MICU3: variants seen among roughly 807,000 people sequenced by gnomAD.
MICU3 encodes the protein mitochondrial calcium uptake 3, also known as calcium uptake protein 3, mitochondrial.
Under a neutral mutation model 66.5 loss-of-function variants are expected in MICU3, and 62 were observed. That is an observed-to-expected ratio of 0.93 (90% CI 0.76 to 1.15). MICU3 has a LOEUF of 1.15. Ranked by LOEUF, MICU3 falls within the 50% of genes most tolerant of loss-of-function variation. The pLI, the probability that MICU3 is intolerant of heterozygous loss-of-function variation, is 0.00. For synonymous variants in MICU3, 308 were observed against 240.7 expected, an observed-to-expected ratio of 1.28 and a Z score of -2.59; for missense variants, 779 against 664.4, an observed-to-expected ratio of 1.17 and a Z score of -1.90.
intron 8 of MICU3, chr8:17,090,828 TACA>T: frequency 5.9e-6 from 2 of 339,798 alleles, no homozygotes; most frequent in South Asian, 8.7e-5. Context: ...AAGGTAAGTG[TACA>T]ACAATTAAAA....
chr8:17,033,269 G>A (rs1812398491), intron 1 of MICU3, among the ~76,000 whole-genome samples: 1 of 152,132 alleles, frequency 6.6e-6, no homozygotes, highest in African/African-American at 2.4e-5. Flanking sequence ...TGAATGCAGC[G>A]GAAAAGTTTT....
intron 2 of MICU3, among the ~76,000 whole-genome samples, chr8:17,067,503 C>A (rs1470581232): frequency 6.6e-6 from 1 of 151,888 alleles, no homozygotes; most frequent in Non-Finnish European, 1.5e-5. Flanking sequence ...GATCTCAGCT[C>A]ACTGCAACCT....
At chr8:17,099,093 T>A (rs1305316237) in intron 9 of MICU3, among the ~76,000 whole-genome samples, 3 of 151,742 alleles carry the variant, frequency 2.0e-5, no homozygotes, top group Non-Finnish European at 4.4e-5. Flanking sequence ...TTACTGTTTA[T>A]GAATTTGTTA....
intron 1 of MICU3, chr8:17,049,558 G>C (rs56165147): frequency 1.6e-3 from 840 of 515,648 alleles, no homozygotes; most frequent in Non-Finnish European, 2.8e-3. Context: ...TTTGCAGAAA[G>C]TTAAGTTATT....
intron 11 of MICU3, 113 bp downstream of exon 11, chr8:17,105,697 G>T (rs964320925): frequency 3.7e-5 from 20 of 538,730 alleles, no homozygotes; most frequent in Non-Finnish European, 6.0e-5. Context: ...AAGATATCTT[G>T]GATGTGTTTC....
At chr8:17,128,680 A>C in the MICU3 span, among the ~76,000 whole-genome samples, 13 of 152,168 alleles carry the variant, frequency 8.5e-5, no homozygotes, top group Admixed American at 3.3e-4. Context: ...AGGGAAAACT[A>C]TGTGGTGGAA....
intron 12 of MICU3, 87 bp from the exon 13 acceptor site, chr8:17,116,356 A>G (rs568824706): frequency 1.1e-6 from 1 of 875,010 alleles, no homozygotes; most frequent in African/African-American, 1.8e-5. Context: ...CATTTAGAAA[A>G]CAACTTCTTT....
intron 1 of MICU3, among the ~76,000 whole-genome samples, chr8:17,063,712 C>A (rs917943797): frequency 6.6e-6 from 1 of 152,000 alleles, no homozygotes; most frequent in African/African-American, 2.4e-5. Context: ...AATACATTAG[C>A]CTATAAGAGT....
Position 17,104,422 on chromosome 8 carries a change from ATAC to A in MICU3, c.1020_1022del (p.Thr341del). The stretch of plus-strand genomic sequence containing the variant: ...GATGACATCACAAGTTTAGTAACAG[ATAC>A]TACACTTCTTGTACACTTTTTTGGA... On this transcript the variant is annotated inframe_deletion, in exon 10 of 15. Transcript: ENST00000318063. The A allele has an allele frequency of 2.8e-6, 4 of 1,449,814 alleles. No individual in the cohort carries two copies. Among genetic ancestry groups the A allele is most frequent in the Non-Finnish European group, 3.7e-6 (4 of 1,080,464 alleles). 89.8% of individuals were successfully genotyped at this position (1,449,814 alleles called of 1,614,324 possible).
At position 17,114,100 on chromosome 8, in the gene MICU3, C is replaced by T. The variant is rs763818030; in HGVS notation, c.1265C>T (p.Thr422Ile). ...RYSIPEEKGITFDEFRSFFQF... is the reference protein window; with the variant it reads ...RYSIPEEKGIIFDEFRSFFQF... ...TTTCCTTTCCCAATATAGGGCATCA[C>T]ATTTGATGAATTCAGGTCATTTTTC... The change falls in exon 12 of 15, where the codon ACA (threonine) becomes ATA (isoleucine). Residue 422 changes from threonine (T) to isoleucine (I), a missense_variant. Physicochemically the swap from Thr to Ile is moderately conservative, Grantham distance 89. Transcript: ENST00000318063. 3.1e-6 allele frequency: 5 copies of T among 1,605,242 alleles called. No individual in the cohort carries two copies. The highest frequency in any genetic ancestry group is 4.3e-6 in the Non-Finnish European group (5 of 1,174,028).
chr8:17,083,478 T>G (rs1383592693), intron 5 of MICU3, among the ~76,000 whole-genome samples: 1 of 152,020 alleles, frequency 6.6e-6, no homozygotes, highest in Non-Finnish European at 1.5e-5. Flanking sequence ...CATCTTTCTT[T>G]TAAACTATAA....
chr8:17,056,969 G>A (rs978705105), intron 1 of MICU3, among the ~76,000 whole-genome samples: 2 of 152,138 alleles, frequency 1.3e-5, no homozygotes, highest in African/African-American at 4.8e-5. Flanking sequence ...AGACCATTAC[G>A]GTTTCCAGAG....
intron 1 of MICU3, among the ~76,000 whole-genome samples, chr8:17,059,677 C>A (rs923248035): frequency 4.6e-5 from 7 of 151,976 alleles, no homozygotes; most frequent in African/African-American, 1.7e-4. Flanking sequence ...AAGTTAATAG[C>A]CTTCCCAAAC....
intron 8 of MICU3, among the ~76,000 whole-genome samples, chr8:17,093,570 A>G (rs919519456): frequency 1.3e-5 from 2 of 151,940 alleles, no homozygotes; most frequent in East Asian, 1.9e-4. Flanking sequence ...GTCAATTAGT[A>G]TGTTAAATTA....
chr8:17,101,604 A>C (rs1340919705), intron 9 of MICU3, among the ~76,000 whole-genome samples: 1 of 151,780 alleles, frequency 6.6e-6, no homozygotes, highest in Non-Finnish European at 1.5e-5. Context: ...ATTATTTAAA[A>C]CCTGTATAAG....
chr8:17,065,405 T>A (rs1400693902), intron 2 of MICU3, among the ~76,000 whole-genome samples: 2 of 152,210 alleles, frequency 1.3e-5, no homozygotes, highest in Admixed American at 6.5e-5. Context: ...CATCTTTGCA[T>A]TATTGCTAAT....
At chr8:17,101,536 T>G (rs1473118585) in intron 9 of MICU3, among the ~76,000 whole-genome samples, 3 of 151,916 alleles carry the variant, frequency 2.0e-5, no homozygotes, top group Non-Finnish European at 4.4e-5. Context: ...GCTGAAAGAC[T>G]GTTAAGTGAA....
intron 10 of MICU3, among the ~76,000 whole-genome samples, 165 bp from the exon 11 acceptor site, chr8:17,105,248 G>A (rs1032451287): frequency 3.3e-5 from 5 of 151,928 alleles, no homozygotes; most frequent in Non-Finnish European, 1.5e-5. Flanking sequence ...TAAAGCGATC[G>A]TGTGTTCTTT....
At chr8:17,047,916 A>G (rs948579380) in intron 1 of MICU3, among the ~76,000 whole-genome samples, 4 of 152,192 alleles carry the variant, frequency 2.6e-5, no homozygotes, top group Non-Finnish European at 5.9e-5. Flanking sequence ...GTTCTTAACC[A>G]TTGATTGTAT....
Sources: allele counts gnomAD v4.1 joint callset (sites outside exome capture counted in the v4.1 genomes callset), GRCh38; gene constraint gnomAD v4.1.1; transcripts MANE v1.5; gene names NCBI Gene and HGNC (gene_info 2026-07-23, HGNC 2026-07-21).